The following MACROD1 variants were observed in gnomAD, a reference collection of about 807,000 sequenced individuals.
The protein encoded by MACROD1 is ADP-ribose glycohydrolase MACROD1.
Under a neutral mutation model 41.4 loss-of-function variants are expected in MACROD1, and 31 were observed. That is an observed-to-expected ratio of 0.75 (90% CI 0.56 to 1.01). MACROD1 has a LOEUF of 1.01. MACROD1 is among the 50% of genes least tolerant of loss of function. MACROD1 has a pLI of 0.00. For synonymous variants in MACROD1, 252 were observed against 203.4 expected, an observed-to-expected ratio of 1.24 and a Z score of -2.03; for missense variants, 473 against 460.0, an observed-to-expected ratio of 1.03 and a Z score of -0.26.
intron 3 of MACROD1, among the ~76,000 whole-genome samples, chr11:64,032,567 G>A (rs575628229): frequency 6.6e-6 from 1 of 152,230 alleles, no homozygotes; most frequent in African/African-American, 2.4e-5. Context: ...TCTGGGAGCC[G>A]GGAAGCTGGG....
At chr11:64,114,050 TGATGCATGGATG>T (rs2134605176) in intron 3 of MACROD1, among the ~76,000 whole-genome samples, 1 of 68,354 alleles carries the variant, frequency 1.5e-5, no homozygotes, top group Admixed American at 1.3e-4. Flanking sequence ...ATGCATGGGT[TGATGCATGGATG>T]GATGGATGGA....
intron 3 of MACROD1, among the ~76,000 whole-genome samples, chr11:64,138,696 C>T (rs967129136): frequency 1.2e-4 from 18 of 152,034 alleles, no homozygotes; most frequent in African/African-American, 3.4e-4. Context: ...GAGGCAGCAG[C>T]GGGGAGGAGG....
At chr11:64,123,102 G>A (rs1425156545) in intron 3 of MACROD1, among the ~76,000 whole-genome samples, 2 of 152,214 alleles carry the variant, frequency 1.3e-5, no homozygotes, top group East Asian at 3.9e-4. Flanking sequence ...AGGGCAACGG[G>A]GAGAGCAGGG....
intron 3 of MACROD1, among the ~76,000 whole-genome samples, chr11:64,023,577 A>G (rs1266588411): frequency 6.6e-6 from 1 of 152,026 alleles, no homozygotes; most frequent in Non-Finnish European, 1.5e-5. Flanking sequence ...CTCCAGGGCT[A>G]AGCCCCTCAC....
chr11:64,110,774 G>T lies in MACROD1; in HGVS notation c.517+40465C>A, dbSNP rs149468798. ...ACAAGCGATCCCATAAAAGATGGGC[G>T]ATTTACCAGGTTTAATTTGATGGCC... On this transcript the variant is annotated intron_variant, in intron 3 of 10. Coordinates refer to ENST00000255681, the MANE Select transcript of MACROD1 (RefSeq NM_014067.4). Among the ~76,000 whole-genome samples the T allele has an allele frequency of 2.0e-3, 310 of 152,314 alleles. 1 individual carries two copies. Among genetic ancestry groups the T allele is most frequent in the African/African-American group, 7.0e-3 (292 of 41,558 alleles).
At chr11:64,072,161 G>C (rs567130200) in intron 3 of MACROD1, among the ~76,000 whole-genome samples, 2 of 152,340 alleles carry the variant, frequency 1.3e-5, no homozygotes, top group African/African-American at 4.8e-5. Context: ...GGGAGCTGTG[G>C]CTGGGCCTGG....
At chr11:64,083,242 C>T (rs1354138516) in intron 3 of MACROD1, among the ~76,000 whole-genome samples, 1 of 152,166 alleles carries the variant, frequency 6.6e-6, no homozygotes, top group Non-Finnish European at 1.5e-5. Flanking sequence ...TCGAGACCAG[C>T]CTTGGCAACA....
At chr11:64,004,562 C>T (rs561922312) in intron 4 of MACROD1, among the ~76,000 whole-genome samples, 13 of 152,250 alleles carry the variant, frequency 8.5e-5, no homozygotes, top group Admixed American at 8.5e-4. Context: ...CTACCGAGGG[C>T]AGGGCACCCC....
chr11:64,010,458 C>T (rs1412425066), intron 4 of MACROD1, among the ~76,000 whole-genome samples: 72 of 64,432 alleles, frequency 1.1e-3, no homozygotes, highest in East Asian at 1.9e-3. Flanking sequence ...GGTTGGGGTG[C>T]TGGCTGGCAT....
At chr11:64,078,757 C>T (rs990185803) in intron 3 of MACROD1, among the ~76,000 whole-genome samples, 5 of 148,046 alleles carry the variant, frequency 3.4e-5, no homozygotes, top group Non-Finnish European at 1.5e-5. Flanking sequence ...AGACAGGCCA[C>T]AAGGAAACCC....
At chr11:64,111,042 A>G (rs923990400) in intron 3 of MACROD1, among the ~76,000 whole-genome samples, 14 of 152,186 alleles carry the variant, frequency 9.2e-5, no homozygotes, top group Non-Finnish European at 4.4e-5. Context: ...CTGCCTCCCA[A>G]ATGCTTCTTG....
chr11:64,140,555 G>A (rs538215616), intron 3 of MACROD1, among the ~76,000 whole-genome samples: 7 of 152,190 alleles, frequency 4.6e-5, no homozygotes, highest in Admixed American at 6.5e-5. Flanking sequence ...TGGGATGCCC[G>A]GTTCAGCGGG....
At chr11:64,129,417 G>A (rs964415732) in intron 3 of MACROD1, among the ~76,000 whole-genome samples, 2 of 152,206 alleles carry the variant, frequency 1.3e-5, no homozygotes, top group Non-Finnish European at 2.9e-5. Context: ...GAAACCACCC[G>A]CACCAACCCT....
chr11:64,150,626 C>T (rs150490854), intron 3 of MACROD1, among the ~76,000 whole-genome samples: 2 of 152,318 alleles, frequency 1.3e-5, no homozygotes, highest in Non-Finnish European at 1.5e-5. Flanking sequence ...CCTTTCCTGG[C>T]GCCTTTGACC....
chr11:64,142,766 G>A (rs1055891892), intron 3 of MACROD1, among the ~76,000 whole-genome samples: 2 of 152,060 alleles, frequency 1.3e-5, no homozygotes, highest in Non-Finnish European at 2.9e-5. Context: ...ATCCTGACTG[G>A]CCCCCCTGAT....
chr11:64,138,595 G>A (rs948085046), intron 3 of MACROD1: 2 of 981,268 alleles, frequency 2.0e-6, no homozygotes, highest in East Asian at 2.3e-4. Context: ...CCTGCTGGCA[G>A]AGGAATGGCT....
chr11:64,089,706 C>T (rs1437016244), intron 3 of MACROD1, among the ~76,000 whole-genome samples: 1 of 152,174 alleles, frequency 6.6e-6, no homozygotes, highest in African/African-American at 2.4e-5. Context: ...CAAAGTGGGG[C>T]TCTTGAGGGA....
intron 3 of MACROD1, among the ~76,000 whole-genome samples, chr11:64,119,366 G>A (rs923249882): frequency 2.6e-5 from 4 of 152,126 alleles, no homozygotes; most frequent in African/African-American, 9.7e-5. Context: ...CCAGCACTGG[G>A]CTGCTCTCCT....
At chr11:64,028,126 G>GTCTGAC (rs1279782156) in intron 3 of MACROD1, among the ~76,000 whole-genome samples, 1 of 149,128 alleles carries the variant, frequency 6.7e-6, no homozygotes, top group African/African-American at 2.4e-5. Context: ...AAGCAGTTGT[G>GTCTGAC]TCTGACTCTA....
Sources: allele counts gnomAD v4.1 joint callset (sites outside exome capture counted in the v4.1 genomes callset), GRCh38; gene constraint gnomAD v4.1.1; transcripts MANE v1.5; gene names NCBI Gene and HGNC (gene_info 2026-07-23, HGNC 2026-07-21).